The following CUL5 variants were observed in gnomAD, a reference collection of about 807,000 sequenced individuals.
CUL5 encodes cullin 5.
CUL5 carries 26 observed loss-of-function variants against 108.8 expected under a neutral mutation model. That is an observed-to-expected ratio of 0.24 (90% CI 0.18 to 0.33). The LOEUF (loss-of-function observed/expected upper bound fraction) is 0.33. CUL5 is among the 10% of genes least tolerant of loss of function. The pLI is 1.00. For synonymous variants in CUL5, 334 were observed against 298.0 expected (o/e 1.12, Z -1.25); for missense variants, 524 against 909.2 (o/e 0.58, Z 5.45).
chr11:108,032,787 C>T (rs367675992), intron 1 of CUL5, among the ~76,000 whole-genome samples: 13 of 151,622 alleles, frequency 8.6e-5, no homozygotes, highest in South Asian at 8.3e-4. Flanking sequence ...CCATTTCTTA[C>T]GCTTTTCTCA....
rs1296090919 is a variant in CUL5 at position 108,098,402 on chromosome 11, G to A, written c.2025-4G>A. On this transcript the variant is annotated splice_polypyrimidine_tract_variant and splice_region_variant and intron_variant, in intron 17 of 18. Coordinates refer to ENST00000393094, the MANE Select transcript of CUL5 (RefSeq NM_003478.6). ...TAAAATACTTGATGCAATTCTTTTT[G>A]TAGAAAAAATGCAAAGGTTCAGAAA... 4.4e-6 allele frequency: 7 copies of A among 1,597,718 alleles called. No individual in the cohort carries two copies. Among genetic ancestry groups the A allele is most frequent in the Non-Finnish European group, 6.0e-6 (7 of 1,174,102 alleles).
chr11:108,035,236 A>G (rs1341594451), intron 2 of CUL5, among the ~76,000 whole-genome samples: 1 of 152,212 alleles, frequency 6.6e-6, no homozygotes, highest in Non-Finnish European at 1.5e-5. Flanking sequence ...CCTCCCAACT[A>G]CAGCTTTTGG....
At chr11:108,060,752 G>A (rs949728582) in intron 7 of CUL5, among the ~76,000 whole-genome samples, 3 of 151,910 alleles carry the variant, frequency 2.0e-5, no homozygotes, top group Non-Finnish European at 2.9e-5. Flanking sequence ...CAGGAGAATC[G>A]CTTGAACCCG....
At chr11:108,072,143 T>C (rs1054456441) in intron 8 of CUL5, among the ~76,000 whole-genome samples, 189 bp from the exon 9 acceptor site, 2 of 152,122 alleles carry the variant, frequency 1.3e-5, no homozygotes, top group Non-Finnish European at 2.9e-5. Flanking sequence ...CGAGCCACTG[T>C]ACTCCAGCTT....
intron 11 of CUL5, among the ~76,000 whole-genome samples, chr11:108,083,383 A>G (rs1051195595): frequency 1.3e-5 from 2 of 152,206 alleles, no homozygotes; most frequent in African/African-American, 4.8e-5. Flanking sequence ...TGTACATTGA[A>G]TATTTGTGAA....
At chr11:108,017,938 A>G (rs1429673442) in intron 1 of CUL5, among the ~76,000 whole-genome samples, 2 of 152,034 alleles carry the variant, frequency 1.3e-5, no homozygotes, top group African/African-American at 4.8e-5. Flanking sequence ...GCTTTTGACT[A>G]TTTTTTGTTG....
At chr11:108,025,902 C>T (rs920919873) in intron 1 of CUL5, among the ~76,000 whole-genome samples, 1 of 152,120 alleles carries the variant, frequency 6.6e-6, no homozygotes, top group Non-Finnish European at 1.5e-5. Flanking sequence ...GAGACACTCT[C>T]TAGGCAGTAT....
At chr11:108,040,959 G>A (rs1440814524) in intron 2 of CUL5, among the ~76,000 whole-genome samples, 1 of 152,112 alleles carries the variant, frequency 6.6e-6, no homozygotes, top group Non-Finnish European at 1.5e-5. Flanking sequence ...ACCATTCCCT[G>A]TTATCCTATG....
At chr11:108,062,959 C>T (rs1258293903) in intron 7 of CUL5, among the ~76,000 whole-genome samples, 2 of 152,134 alleles carry the variant, frequency 1.3e-5, no homozygotes, top group Admixed American at 1.3e-4. Flanking sequence ...GATTCTTCTG[C>T]CTCAGCCTCC....
chr11:108,094,331 C>T, intron 13 of CUL5, 60 bp from the exon 14 acceptor site: 1 of 1,252,632 alleles, frequency 8.0e-7, no homozygotes, highest in Admixed American at 2.6e-5. Context: ...TAAAATTTTT[C>T]CCAGTAATAT....
At chr11:108,095,407 T>C (rs1864465595) in intron 15 of CUL5, 123 bp from the exon 16 acceptor site, 5 of 653,904 alleles carry the variant, frequency 7.6e-6, no homozygotes, top group Middle Eastern at 3.9e-4. Flanking sequence ...CTAAAATGTT[T>C]ATTACTGTGA....
intron 4 of CUL5, among the ~76,000 whole-genome samples, chr11:108,051,876 T>C (rs1863234405): frequency 6.6e-6 from 1 of 152,228 alleles, no homozygotes. Flanking sequence ...ATTTGCACTA[T>C]TATTTTGACC....
intron 11 of CUL5, among the ~76,000 whole-genome samples, chr11:108,086,484 G>T (rs1005193378): frequency 3.3e-5 from 5 of 152,174 alleles, no homozygotes; most frequent in African/African-American, 1.2e-4. Context: ...GAGGGAGGTA[G>T]ATCACTTTGA....
chr11:108,096,075 AAC>A (rs1864484167), intron 16 of CUL5, among the ~76,000 whole-genome samples: 2 of 151,232 alleles, frequency 1.3e-5, no homozygotes, highest in Non-Finnish European at 2.9e-5. Context: ...CAGCCCAGGC[AAC>A]AGAGTGAGAA....
At chr11:108,018,797 A>G in intron 1 of CUL5, among the ~76,000 whole-genome samples, 1 of 152,172 alleles carries the variant, frequency 6.6e-6, no homozygotes, top group East Asian at 1.9e-4. Flanking sequence ...TCCCCTATAG[A>G]TGCAAGTAGT....
chr11:108,012,748 C>T (rs1241155632), intron 1 of CUL5, among the ~76,000 whole-genome samples: 1 of 152,020 alleles, frequency 6.6e-6, no homozygotes, highest in Non-Finnish European at 1.5e-5. Context: ...AGGCACACGC[C>T]ACCACACCCA....
At chr11:108,060,627 G>A (rs1039628411) in intron 7 of CUL5, among the ~76,000 whole-genome samples, 5 of 152,138 alleles carry the variant, frequency 3.3e-5, no homozygotes, top group African/African-American at 1.2e-4. Context: ...CCTGAGGTCA[G>A]GAGTTCAAGA....
At chr11:108,012,980 C>T (rs1862091019) in intron 1 of CUL5, among the ~76,000 whole-genome samples, 1 of 152,168 alleles carries the variant, frequency 6.6e-6, no homozygotes, top group Non-Finnish European at 1.5e-5. Flanking sequence ...CCCCCATTTG[C>T]TGCCTTTATA....
chr11:108,023,018 G>A (rs1862363609), intron 1 of CUL5, among the ~76,000 whole-genome samples: 1 of 152,208 alleles, frequency 6.6e-6, no homozygotes. Context: ...GGAGGCCAAG[G>A]CAGGTGGATC....
Sources: allele counts gnomAD v4.1 joint callset (sites outside exome capture counted in the v4.1 genomes callset), GRCh38; gene constraint gnomAD v4.1.1; transcripts MANE v1.5; gene names NCBI Gene and HGNC (gene_info 2026-07-23, HGNC 2026-07-21).